PCDHA2: variants seen among roughly 807,000 people sequenced by gnomAD.
PCDHA2 encodes protocadherin alpha-2.
A neutral mutation model predicts 66.0 loss-of-function variants in PCDHA2; 58 were observed. The ratio of observed to expected loss-of-function variants is 0.88; its 90% CI spans 0.71 to 1.09. PCDHA2 has a LOEUF of 1.09. Among genes scored for constraint, PCDHA2 ranks in the 50% least tolerant of loss-of-function variants. The pLI, the probability that PCDHA2 is intolerant of heterozygous loss-of-function variation, is 0.00. For synonymous variants in PCDHA2, 634 were observed against 554.0 expected (o/e 1.14, Z -2.03); for missense variants, 1,267 against 1,242.3 (o/e 1.02, Z -0.30).
chr5:140,892,993 C>T (rs2063771968), intron 1 of PCDHA2, among the ~76,000 whole-genome samples: 1 of 152,170 alleles, frequency 6.6e-6, no homozygotes, highest in Non-Finnish European at 1.5e-5. Flanking sequence ...TAAGTGAGAA[C>T]ATGTATTTAT....
chr5:140,966,854 C>T (rs1554228784), intron 1 of PCDHA2: 2 of 1,573,744 alleles, frequency 1.3e-6, no homozygotes, highest in Admixed American at 1.8e-5. Context: ...GCCTCTCCTG[C>T]TGCTGTTGCT....
At chr5:140,876,101 T>C (rs2056113076) in intron 1 of PCDHA2, 1 of 1,613,984 alleles carries the variant, frequency 6.2e-7, no homozygotes, top group East Asian at 2.2e-5. Flanking sequence ...AAACTCAATT[T>C]ATTGCTGATG....
intron 1 of PCDHA2, among the ~76,000 whole-genome samples, chr5:140,940,084 A>G (rs1320170233): frequency 1.3e-5 from 2 of 152,202 alleles, no homozygotes; most frequent in East Asian, 3.8e-4. Context: ...TCTTTCTGCT[A>G]AATTGAAACT....
intron 1 of PCDHA2, among the ~76,000 whole-genome samples, chr5:140,906,837 A>C (rs543572104): frequency 2.0e-4 from 31 of 152,292 alleles, no homozygotes; most frequent in African/African-American, 7.5e-4. Flanking sequence ...GACTGATTTC[A>C]TCTTGAGAGT....
At chr5:140,805,112 C>T (rs782558410) in intron 1 of PCDHA2, 2 of 1,589,392 alleles carry the variant, frequency 1.3e-6, no homozygotes, top group South Asian at 2.3e-5. Context: ...TATTGTCTAA[C>T]AAGACTCTTG....
At chr5:140,849,777 C>T (rs2150449616) in intron 1 of PCDHA2, 2 of 1,598,440 alleles carry the variant, frequency 1.3e-6, no homozygotes, top group Non-Finnish European at 1.7e-6. Flanking sequence ...GGTTACCGCG[C>T]GGGACGGGGG....
chr5:140,916,864 T>A (rs2077768356), intron 1 of PCDHA2, among the ~76,000 whole-genome samples: 1 of 152,156 alleles, frequency 6.6e-6, no homozygotes, highest in African/African-American at 2.4e-5. Flanking sequence ...AGGAGTTACC[T>A]AGGAATTGCA....
rs371515299 is a variant in PCDHA2, at chr5:140,870,550, G to T, written c.2388+73198G>T. 1.5e-5 allele frequency: 24 copies of T among 1,613,948 alleles called. No individual in the cohort carries two copies. The highest frequency in any genetic ancestry group is 1.6e-4 in the Middle Eastern group (1 of 6,080). ...CACAGTGTCGGCGCGGGACGCGGAC[G>T]CGCAGGAGAACGCGCTGGTGTCCTA... On this transcript the variant is annotated intron_variant, in intron 1 of 3. Transcript: ENST00000526136.
chr5:140,841,555 T>C lies in PCDHA2; in HGVS notation c.2388+44203T>C, dbSNP rs1224364793. 2.5e-6 allele frequency: 4 copies of C among 1,613,708 alleles called. No homozygotes were observed. In the African/African-American group the frequency reaches 5.3e-5, roughly 22 times the overall value. On this transcript the variant is annotated intron_variant, in intron 1 of 3. Transcript: ENST00000526136. Reference sequence around the variant, plus strand: ...GACACCGGGACCTTCTGGAGGTAAGTCTGCAGAATGGCATTTTGTTTGTGA... The same window carrying C: ...GACACCGGGACCTTCTGGAGGTAAGCCTGCAGAATGGCATTTTGTTTGTGA...
chr5:140,797,462 C>T, intron 1 of PCDHA2, 110 bp downstream of exon 1: 1 of 1,265,180 alleles, frequency 7.9e-7, no homozygotes, highest in Non-Finnish European at 1.1e-6. Flanking sequence ...TTTATATCAT[C>T]CTACCGTGCG....
chr5:140,883,518 G>A, intron 1 of PCDHA2: 2 of 1,614,234 alleles, frequency 1.2e-6, no homozygotes, highest in South Asian at 1.1e-5. Flanking sequence ...GACCGCGAGA[G>A]CGTATCAGCC....
At chr5:140,879,375 C>T (rs2057967921) in intron 1 of PCDHA2, among the ~76,000 whole-genome samples, 1 of 152,076 alleles carries the variant, frequency 6.6e-6, no homozygotes, top group Non-Finnish European at 1.5e-5. Context: ...ACCTGCAGAA[C>T]AAGGTTGGAG....
chr5:140,828,995 A>G lies in PCDHA2; in HGVS notation c.2388+31643A>G, dbSNP rs2150161730. ...TAGCATAGATCGAAATACGGGAGAA[A>G]TAGTGATTCGGGGTAATTTGGATTT... is the stretch of plus-strand genomic sequence containing the variant. On this transcript the variant is annotated intron_variant, in intron 1 of 3. Coordinates refer to ENST00000526136, the MANE Select transcript of PCDHA2 (RefSeq NM_018905.3). The G allele has an allele frequency of 1.2e-6, 2 of 1,614,068 alleles. No individual in the cohort carries two copies. The highest frequency in any genetic ancestry group is 1.7e-6 in the Non-Finnish European group (2 of 1,179,918).
chr5:140,834,506 T>C (rs2150220079), intron 1 of PCDHA2: 63 of 1,614,028 alleles, frequency 3.9e-5, no homozygotes, highest in Admixed American at 2.2e-4. Flanking sequence ...AGGCTAAACA[T>C]GGCAACTTCG....
At chr5:140,850,268 G>T in intron 1 of PCDHA2, 1 of 1,594,774 alleles carries the variant, frequency 6.3e-7, no homozygotes, top group Non-Finnish European at 8.6e-7. Flanking sequence ...GCGTAGTGGT[G>T]GGGAAGGTGC....
chr5:140,797,439 G>T (rs1562167596), intron 1 of PCDHA2, 87 bp downstream of exon 1: 5 of 1,380,916 alleles, frequency 3.6e-6, no homozygotes, highest in South Asian at 1.3e-5. Flanking sequence ...TAGATTCATA[G>T]TTCTTCATTT....
At chr5:140,803,864 G>C (rs1763295768) in intron 1 of PCDHA2, 8 of 570,842 alleles carry the variant, frequency 1.4e-5, no homozygotes. Context: ...CTGGGTATAA[G>C]ACAAATATTT....
intron 1 of PCDHA2, among the ~76,000 whole-genome samples, chr5:140,958,881 A>G (rs565016962): frequency 2.0e-5 from 3 of 152,092 alleles, no homozygotes; most frequent in Non-Finnish European, 2.9e-5. Flanking sequence ...AGAATTGACC[A>G]GTAGCTATAT....
intron 1 of PCDHA2, among the ~76,000 whole-genome samples, chr5:140,954,580 T>C (rs1193569920): frequency 1.3e-5 from 2 of 152,174 alleles, no homozygotes; most frequent in African/African-American, 4.8e-5. Flanking sequence ...TTTTCAGAAG[T>C]GTCTGTTCAT....
Sources: allele counts gnomAD v4.1 joint callset (sites outside exome capture counted in the v4.1 genomes callset), GRCh38; gene constraint gnomAD v4.1.1; transcripts MANE v1.5; gene names NCBI Gene and HGNC (gene_info 2026-07-23, HGNC 2026-07-21).